Variants in ARMC9 observed in about 807,000 individuals in gnomAD.
ARMC9 encodes armadillo repeat containing 9.
ARMC9 carries 94 observed loss-of-function variants against 107.0 expected under a neutral mutation model. The observed-to-expected ratio is 0.88, with a 90% CI of 0.74 to 1.04. The LOEUF (loss-of-function observed/expected upper bound fraction) is 1.04, where lower values mean the gene tolerates loss of function less well. ARMC9 is among the 50% of genes least tolerant of loss of function. The pLI, the probability that ARMC9 is intolerant of heterozygous loss-of-function variation, is 0.00. For synonymous variants in ARMC9, 380 were observed against 396.9 expected (o/e 0.96, Z 0.51); for missense variants, 942 against 1,030.1 (o/e 0.91, Z 1.17).
chr2:231,281,144 A>C (rs982473284), intron 16 of ARMC9, among the ~76,000 whole-genome samples: 1 of 145,910 alleles, frequency 6.9e-6, no homozygotes, highest in Admixed American at 6.8e-5. Flanking sequence ...AAGGGGACAT[A>C]GTGTGAATTT....
chr2:231,365,035 C>T (rs948368191), intron 23 of ARMC9, among the ~76,000 whole-genome samples: 8 of 152,194 alleles, frequency 5.3e-5, no homozygotes, highest in South Asian at 2.1e-4. Context: ...CCCCTGGTGG[C>T]CTCAGGGCCC....
At chr2:231,217,106 T>A (rs997656804) in intron 5 of ARMC9, among the ~76,000 whole-genome samples, 1 of 152,188 alleles carries the variant, frequency 6.6e-6, no homozygotes, top group Non-Finnish European at 1.5e-5. Context: ...GGAGCATGCA[T>A]AAATACATTG....
At chr2:231,298,227 T>C (rs1168179736) in intron 19 of ARMC9, among the ~76,000 whole-genome samples, 1 of 152,252 alleles carries the variant, frequency 6.6e-6, no homozygotes, top group African/African-American at 2.4e-5. Context: ...AATGGGACTC[T>C]GTGATGAACC....
intron 8 of ARMC9, among the ~76,000 whole-genome samples, chr2:231,236,418 ACT>A (rs760067936): frequency 6.6e-6 from 1 of 152,046 alleles, no homozygotes; most frequent in Non-Finnish European, 1.5e-5. Flanking sequence ...CTCATTCCTG[ACT>A]CTATAAAGTA....
At chr2:231,337,198 A>G (rs1437401827) in intron 20 of ARMC9, among the ~76,000 whole-genome samples, 3 of 149,108 alleles carry the variant, frequency 2.0e-5, no homozygotes, top group African/African-American at 7.4e-5. Flanking sequence ...TGTGACTGTA[A>G]TGGTTGAAGA....
chr2:231,217,730 G>A (rs925667727), intron 5 of ARMC9, among the ~76,000 whole-genome samples: 4 of 152,026 alleles, frequency 2.6e-5, no homozygotes, highest in Non-Finnish European at 5.9e-5. Context: ...TGGTTTTGTC[G>A]CCCAGGCTGG....
At chr2:231,314,727 C>G (rs1308846371) in intron 19 of ARMC9, among the ~76,000 whole-genome samples, 5 of 152,226 alleles carry the variant, frequency 3.3e-5, no homozygotes, top group African/African-American at 1.2e-4. Context: ...AAACCATTGG[C>G]CTAGGCCAAC....
chr2:231,281,201 C>T (rs945517793), intron 16 of ARMC9, among the ~76,000 whole-genome samples: 7 of 115,120 alleles, frequency 6.1e-5, no homozygotes, highest in African/African-American at 2.0e-4. Context: ...GTACAAGAAG[C>T]GGAAGTGAGT....
chr2:231,337,270 G>GTGTATATATATATATATATATATATATA (rs1417267339), intron 20 of ARMC9, among the ~76,000 whole-genome samples: 1 of 76,412 alleles, frequency 1.3e-5, no homozygotes, highest in African/African-American at 5.8e-5. Context: ...ACGTGTGTGT[G>GTGTATATATATATATATATATATATATA]TATATATATA....
intron 23 of ARMC9, among the ~76,000 whole-genome samples, chr2:231,361,665 G>A (rs760748030): frequency 6.6e-6 from 1 of 152,056 alleles, no homozygotes; most frequent in Non-Finnish European, 1.5e-5. Flanking sequence ...GGCCTGGCCT[G>A]GGTCTCAGAC....
intron 3 of ARMC9, among the ~76,000 whole-genome samples, chr2:231,212,448 C>T (rs2032998462): frequency 6.6e-6 from 1 of 152,188 alleles, no homozygotes; most frequent in African/African-American, 2.4e-5. Flanking sequence ...GTAGATGGGC[C>T]ATTTGACTTG....
chr2:231,341,788 G>A (rs2044531750), intron 20 of ARMC9, among the ~76,000 whole-genome samples: 1 of 152,164 alleles, frequency 6.6e-6, no homozygotes, highest in African/African-American at 2.4e-5. Context: ...AAATTGACAT[G>A]TTGACCAACT....
chr2:231,323,743 A>G (rs901065430), intron 19 of ARMC9, among the ~76,000 whole-genome samples: 1 of 152,228 alleles, frequency 6.6e-6, no homozygotes, highest in Admixed American at 6.5e-5. Flanking sequence ...TAGCTAGAGA[A>G]AATGAGGCGC....
chr2:231,345,069 G>T lies in ARMC9; in HGVS notation c.1973G>T (p.Gly658Val), dbSNP rs1259950548. 4 of 1,613,518 alleles carry T rather than the reference G, an allele frequency of 2.5e-6. No homozygotes were observed. In the Admixed American group the frequency reaches 6.7e-5, roughly 27 times the overall value. ...CTGCAAAGGCCCGTCACCCCCGGCG[G>T]CCACAGAAACGGGTACCCAGTGTAA... is the stretch of plus-strand genomic sequence containing the variant. ...EPLQRPVTPG[G>V]HRNGYPVVED... Residue 658 changes from glycine to valine, a missense_variant, in exon 21 of 25, where the codon GGC (glycine) becomes GTC (valine). Coordinates refer to ENST00000611582, the MANE Select transcript of ARMC9 (RefSeq NM_001352754.2).
chr2:231,364,156 G>A (rs1159705234), intron 23 of ARMC9, among the ~76,000 whole-genome samples: 1 of 152,232 alleles, frequency 6.6e-6, no homozygotes, highest in Non-Finnish European at 1.5e-5. Context: ...GAAGGTGATG[G>A]CAGGGCTGCC....
At chr2:231,242,722 T>C (rs1263753307) in intron 9 of ARMC9, among the ~76,000 whole-genome samples, 1 of 152,204 alleles carries the variant, frequency 6.6e-6, no homozygotes, top group Non-Finnish European at 1.5e-5. Context: ...CTTAGTGTTT[T>C]CTAGGTTCAG....
chr2:231,362,717 T>G lies in ARMC9; in HGVS notation c.2261+1834T>G, dbSNP rs2045641055. 1 of 152,460 alleles carries G rather than the reference T, an allele frequency of 6.6e-6. No individual in the cohort carries two copies. The allele number at this position is 152,460 out of a possible 1,614,324, so 9.4% of individuals were successfully genotyped here. ...CACTGGCAACGTCATCTAGAATATT[T>G]CGGCATTCTAGATGAGAGATATATA... On this transcript the variant is annotated intron_variant, in intron 23 of 24. Coordinates refer to ENST00000611582, the MANE Select transcript of ARMC9 (RefSeq NM_001352754.2). The surrounding 1 kb of genome is among the most constrained non-coding windows in gnomAD (Gnocchi z 4.7).
intron 11 of ARMC9, among the ~76,000 whole-genome samples, chr2:231,260,578 G>A (rs889794094): frequency 1.3e-5 from 2 of 152,248 alleles, no homozygotes; most frequent in African/African-American, 2.4e-5. Context: ...CTCGGACGAC[G>A]TATCCAGGAT....
At chr2:231,359,402 G>T (rs1559503563) in intron 22 of ARMC9, among the ~76,000 whole-genome samples, 1 of 152,068 alleles carries the variant, frequency 6.6e-6, no homozygotes, top group Non-Finnish European at 1.5e-5. Context: ...CTTGTTCTTG[G>T]TGGGACCTCT....
Sources: allele counts gnomAD v4.1 joint callset (sites outside exome capture counted in the v4.1 genomes callset), GRCh38; gene constraint gnomAD v4.1.1; non-coding constraint Gnocchi (gnomAD v3.1); transcripts MANE v1.5; gene names NCBI Gene and HGNC (gene_info 2026-07-23, HGNC 2026-07-21).